Variants in MCM3 observed in about 807,000 individuals in gnomAD.
The protein encoded by MCM3 is minichromosome maintenance complex component 3.
MCM3 carries 59 observed loss-of-function variants against 91.3 expected under a neutral mutation model. The observed-to-expected ratio is 0.65, with a 90% CI of 0.52 to 0.80. MCM3 has a LOEUF of 0.80. Among genes scored for constraint, MCM3 ranks in the 30% least tolerant of loss-of-function variants. MCM3 has a pLI of 0.00. For missense variants in MCM3, 919 were observed against 1,035.4 expected, an observed-to-expected ratio of 0.89 and a Z score of 1.54; for synonymous variants, 383 against 379.6, an observed-to-expected ratio of 1.01 and a Z score of -0.10.
At chr6:52,272,588 A>G (rs562326282) in intron 11 of MCM3, 137 bp from the exon 12 acceptor site, 2 of 762,306 alleles carry the variant, frequency 2.6e-6, no homozygotes, top group South Asian at 2.2e-5. Flanking sequence ...TATATGGAAC[A>G]TAGACAAGAC....
intron 5 of MCM3, among the ~76,000 whole-genome samples, 181 bp from the exon 6 acceptor site, chr6:52,279,031 T>C (rs919357718): frequency 3.3e-5 from 5 of 152,188 alleles, no homozygotes; most frequent in Non-Finnish European, 7.3e-5. Context: ...GATCCAAATA[T>C]GCTGATCATG....
Position 52,276,448 on chromosome 6 carries a change from C to T in MCM3, c.1194G>A (p.Met398Ile). Residue 398 changes from methionine (M) to isoleucine (I), a missense_variant, in exon 9 of 17, where the codon ATG becomes ATA. Around this residue, in one of 3 missense-constraint regions of MCM3, gnomAD observed 233 missense variants for 321.2 expected, o/e 0.73. Transcript: ENST00000596288. Reference sequence around the variant, plus strand: ...AAACCACGCCTCGGTCAGCCAGGACCATGGCCCCTGCTTCCAGACGGCGCT... The same window carrying T: ...AAACCACGCCTCGGTCAGCCAGGACTATGGCCCCTGCTTCCAGACGGCGCT... The part of the protein sequence containing the change: ...TGERRLEAGA[M>I]VLADRGVVCI... The T allele has an allele frequency of 6.2e-7, 1 of 1,614,204 alleles. No individual in the cohort carries two copies. The highest frequency in any genetic ancestry group is 8.5e-7 in the Non-Finnish European group (1 of 1,180,034).
chr6:52,274,541 T>G (rs1765402879), intron 9 of MCM3, among the ~76,000 whole-genome samples: 1 of 151,884 alleles, frequency 6.6e-6, no homozygotes, highest in Non-Finnish European at 1.5e-5. Flanking sequence ...AAAAAAAATT[T>G]GCCAGGCATG....
At chr6:52,279,668 A>C in intron 4 of MCM3, 69 bp from the exon 5 acceptor site, 4 of 1,139,952 alleles carry the variant, frequency 3.5e-6, no homozygotes, top group Non-Finnish European at 1.3e-6. Context: ...CTCACCTGTC[A>C]TGGCAAATAA....
At chr6:52,282,911 A>C in intron 2 of MCM3, 50 bp from the exon 3 acceptor site, 2 of 1,365,072 alleles carry the variant, frequency 1.5e-6, no homozygotes, top group Non-Finnish European at 2.1e-6. Flanking sequence ...AACTCAAAAA[A>C]ATGGATCCTC....
At chr6:52,282,981 C>G in intron 2 of MCM3, 120 bp from the exon 3 acceptor site, 3 of 736,730 alleles carry the variant, frequency 4.1e-6, no homozygotes, top group Non-Finnish European at 6.6e-6. Context: ...TCTGCTTTCT[C>G]CTATAAGTCT....
At chr6:52,276,563 T>C in intron 8 of MCM3, 87 bp from the exon 9 acceptor site, 1 of 1,165,236 alleles carries the variant, frequency 8.6e-7, no homozygotes, top group Non-Finnish European at 1.2e-6. Flanking sequence ...CCTAGGAATC[T>C]CTCACTTTGC....
chr6:52,279,602 A>G lies in MCM3; in HGVS notation c.532-3T>C. 6.2e-7 allele frequency: 1 copy of G among 1,605,782 alleles called. No individual in the cohort carries two copies. Among genetic ancestry groups the G allele is most frequent in the Non-Finnish European group, 8.5e-7 (1 of 1,173,466 alleles). On this transcript the variant is annotated splice_region_variant and splice_polypyrimidine_tract_variant and intron_variant, in intron 4 of 16. Transcript: ENST00000596288. ...TCAAGGGGATTGTTCTCCTCATCCT[A>G]GAAAAAGGCACACAGAGGGACAGAG...
intron 13 of MCM3, among the ~76,000 whole-genome samples, chr6:52,268,258 CA>C (rs879543288): frequency 6.6e-6 from 1 of 152,194 alleles, no homozygotes; most frequent in Non-Finnish European, 1.5e-5. Flanking sequence ...TAAGTGAAAA[CA>C]ATCCATTTCC....
chr6:52,280,775 T>C (rs1454586962), intron 4 of MCM3, among the ~76,000 whole-genome samples: 1 of 152,240 alleles, frequency 6.6e-6, no homozygotes. Context: ...ACAACTGGCA[T>C]GAATTAAAGA....
rs778683099 is a variant in MCM3, at chr6:52,277,549, T to C, written c.1019A>G (p.Asn340Ser). The change falls in exon 7 of 17, where the codon AAT becomes AGT. Residue 340 changes from asparagine (N) to serine (S), a missense_variant. Transcript: ENST00000596288. ...ENGSHIRGDI[N>S]ILLIGDPSVA... ...CAACATCGTACCTATTAGAAGAATATTGATGTCCCCACGGATGTGGCTGCC... is the reference window on the plus strand; with the variant it reads ...CAACATCGTACCTATTAGAAGAATACTGATGTCCCCACGGATGTGGCTGCC... The C allele has an allele frequency of 3.3e-5, 54 of 1,613,648 alleles. No homozygotes were observed. The highest frequency in any genetic ancestry group is 3.3e-4 in the Middle Eastern group (2 of 6,056).
At chr6:52,270,546 T>C (rs1765044711) in intron 12 of MCM3, among the ~76,000 whole-genome samples, 1 of 152,200 alleles carries the variant, frequency 6.6e-6, no homozygotes, top group Admixed American at 6.5e-5. Flanking sequence ...TACCGGAGTT[T>C]GGAAGTCATA....
chr6:52,264,530 G>T lies in MCM3; in HGVS notation c.*58C>A. On this transcript the variant is annotated 3_prime_UTR_variant, in exon 17 of 17. Coordinates refer to ENST00000596288, the MANE Select transcript of MCM3 (RefSeq NM_002388.6). ...AGGCAAAGACTTGGGTCAGGGAGAG[G>T]GTGGGAAACACAGAACAAACTCTCT... 1 of 1,579,082 alleles carries T rather than the reference G, an allele frequency of 6.3e-7. No individual in the cohort carries two copies. Among genetic ancestry groups the T allele is most frequent in the South Asian group, 1.1e-5 (1 of 89,714 alleles).
rs1439180601 is a variant in MCM3, at chr6:52,276,459, C to T, written c.1183G>A (p.Ala395Thr). Residue 395 changes from alanine (A) to threonine (T), a missense_variant, in exon 9 of 17, where the codon GCA becomes ACA. By Grantham distance (58) the Ala-to-Thr change is moderately conservative. Transcript: ENST00000596288. ...DQETGERRLE[A>T]GAMVLADRGV... ...CGGTCAGCCAGGACCATGGCCCCTG[C>T]TTCCAGACGGCGCTCTCCTGGGAAG... 6.2e-7 allele frequency: 1 copy of T among 1,614,158 alleles called. No homozygotes were observed. Among genetic ancestry groups the T allele is most frequent in the East Asian group, 2.2e-5 (1 of 44,880 alleles).
At chr6:52,283,132 C>T (rs1362580572) in intron 2 of MCM3, among the ~76,000 whole-genome samples, 162 bp downstream of exon 2, 3 of 104,498 alleles carry the variant, frequency 2.9e-5, no homozygotes, top group Non-Finnish European at 2.0e-5. Context: ...CAACCACCCA[C>T]TTTTTGAAAA....
Position 52,264,675 on chromosome 6 carries a change from G to C in MCM3, c.2340C>G (p.Phe780Leu). 1.9e-6 allele frequency: 3 copies of C among 1,614,200 alleles called. No individual in the cohort carries two copies. The highest frequency in any genetic ancestry group is 2.5e-6 in the Non-Finnish European group (3 of 1,180,046). Residue 780 changes from phenylalanine (F) to leucine (L), a missense_variant, in exon 17 of 17, where the codon TTC becomes TTG. Transcript: ENST00000596288. The stretch of plus-strand genomic sequence containing the variant: ...GAGCAGCCTGGATCTCAACTGAAGA[G>C]AAGGGCTCTTCGCTGTCCCGGTTGA... ...ESINRDSEEP[F>L]SSVEIQAALS...
Position 52,282,702 on chromosome 6 carries a change from GGTAAGA to G in MCM3, c.345_350del (p.Leu116_Thr117del), listed in dbSNP as rs774324193. ...AGACCACACAGCTGAGGAAGCAGGA[GGTAAGA>G]GTCCGCGGGGAGACGTGCTTGGAGC... is the stretch of plus-strand genomic sequence containing the variant. On this transcript the variant is annotated inframe_deletion, in exon 3 of 17. Coordinates refer to ENST00000596288, the MANE Select transcript of MCM3 (RefSeq NM_002388.6). The G allele has an allele frequency of 1.4e-5, 23 of 1,613,750 alleles. No homozygotes were observed. The highest frequency in any genetic ancestry group is 1.7e-5 in the Non-Finnish European group (20 of 1,180,038).
intron 16 of MCM3, among the ~76,000 whole-genome samples, chr6:52,265,700 T>C (rs1316259785): frequency 6.6e-6 from 1 of 152,156 alleles, no homozygotes; most frequent in Non-Finnish European, 1.5e-5. Flanking sequence ...CCTAAAACCC[T>C]GGTGGTAAAA....
chr6:52,280,635 A>T (rs1224189728), intron 4 of MCM3, among the ~76,000 whole-genome samples: 1 of 152,204 alleles, frequency 6.6e-6, no homozygotes, highest in African/African-American at 2.4e-5. Flanking sequence ...AATGTATTTC[A>T]CTTTTCAAGT....
Sources: gnomAD v4.1 joint callset for allele counts (sites outside exome capture counted in the v4.1 genomes callset) on GRCh38, gnomAD v4.1.1 for gene constraint, gnomAD v4.1.1 regional missense constraint, MANE v1.5 for transcripts, NCBI Gene and HGNC (gene_info 2026-07-23, HGNC 2026-07-21) for gene names.